The following BLVRB variants were observed in gnomAD, a reference collection of about 807,000 sequenced individuals.
The protein encoded by BLVRB is flavin reductase (NADPH).
Under a neutral mutation model 21.1 loss-of-function variants are expected in BLVRB, and 25 were observed. The observed-to-expected ratio is 1.19, with a 90% CI of 0.86 to 1.66. The LOEUF (loss-of-function observed/expected upper bound fraction) is 1.66, where lower values mean the gene tolerates loss of function less well. Ranked by LOEUF, BLVRB falls within the 40% of genes most tolerant of loss-of-function variation. BLVRB has a pLI of 0.00. For missense variants in BLVRB, 274 were observed against 282.7 expected (o/e 0.97, Z 0.22); for synonymous variants, 128 against 122.2 (o/e 1.05, Z -0.31).
chr19:40,461,172 C>T (rs1006255890), intron 1 of BLVRB, among the ~76,000 whole-genome samples: 1 of 152,020 alleles, frequency 6.6e-6, no homozygotes, highest in South Asian at 2.1e-4. Context: ...CATGAGCTAC[C>T]GAGCGTGGCC....
At chr19:40,451,912 C>A (rs1431114518) in intron 3 of BLVRB, among the ~76,000 whole-genome samples, 1 of 152,112 alleles carries the variant, frequency 6.6e-6, no homozygotes, top group Admixed American at 6.6e-5. Flanking sequence ...ACAGGGGAGT[C>A]CTCTGGGGCT....
intron 4 of BLVRB, among the ~76,000 whole-genome samples, chr19:40,449,880 G>C (rs2079731128): frequency 6.6e-6 from 1 of 152,166 alleles, no homozygotes; most frequent in Non-Finnish European, 1.5e-5. Flanking sequence ...AACCTTTAAT[G>C]CTTTCAAATC....
At chr19:40,458,066 A>T (rs76677764) in intron 3 of BLVRB, 89 bp downstream of exon 3, 3 of 1,260,136 alleles carry the variant, frequency 2.4e-6, no homozygotes, top group Non-Finnish European at 3.4e-6. Context: ...AGTAACATGG[A>T]ATGGCTTCAG....
At chr19:40,451,155 A>G (rs909717949) in intron 4 of BLVRB, among the ~76,000 whole-genome samples, 9 of 152,216 alleles carry the variant, frequency 5.9e-5, no homozygotes, top group African/African-American at 1.9e-4. Flanking sequence ...ACTCATTAGC[A>G]TAGAAAAAGA....
intron 3 of BLVRB, among the ~76,000 whole-genome samples, chr19:40,455,910 G>C (rs919054766): frequency 6.6e-6 from 1 of 151,868 alleles, no homozygotes; most frequent in Non-Finnish European, 1.5e-5. Context: ...CCGGGAGTTC[G>C]GGACCAGCCT....
In BLVRB at chr19:40,460,431, C is replaced by T. The variant is rs1224995519; in HGVS notation, c.80-1886G>A. On this transcript the variant is annotated intron_variant, in intron 1 of 4. Transcript: ENST00000263368. ...TTGTTTGAGGCCAGGAGTTTGAGACCAGACTGGGCAACATAGTGAAACCCC... is the reference window on the plus strand; with the variant it reads ...TTGTTTGAGGCCAGGAGTTTGAGACTAGACTGGGCAACATAGTGAAACCCC... Among the ~76,000 whole-genome samples the T allele has an allele frequency of 3.3e-5, 5 of 149,460 alleles. No individual in the cohort carries two copies. The Admixed American group carries it at 3.4e-4, about 10-fold the overall frequency.
At chr19:40,455,968 C>T (rs1295697252) in intron 3 of BLVRB, among the ~76,000 whole-genome samples, 2 of 151,814 alleles carry the variant, frequency 1.3e-5, no homozygotes, top group African/African-American at 2.4e-5. Flanking sequence ...AAAAATTAGC[C>T]AGCCTTATAA....
chr19:40,452,899 A>C (rs1008572982), intron 3 of BLVRB, among the ~76,000 whole-genome samples: 2 of 145,980 alleles, frequency 1.4e-5, no homozygotes, highest in Admixed American at 6.9e-5. Context: ...ACAAAACAAA[A>C]AAAACACAAA....
chr19:40,464,765 G>C (rs2079803255), intron 1 of BLVRB, among the ~76,000 whole-genome samples: 1 of 152,216 alleles, frequency 6.6e-6, no homozygotes, highest in African/African-American at 2.4e-5. Context: ...GGAGACAGCA[G>C]AGTGGGGTCC....
At chr19:40,454,351 A>G (rs2079753323) in intron 3 of BLVRB, among the ~76,000 whole-genome samples, 2 of 151,752 alleles carry the variant, frequency 1.3e-5, no homozygotes, top group South Asian at 4.2e-4. Context: ...CTGGTCTCGA[A>G]CTCCTGACCT....
chr19:40,461,305 C>A (rs536071811), intron 1 of BLVRB, among the ~76,000 whole-genome samples: 3 of 152,260 alleles, frequency 2.0e-5, no homozygotes, highest in Non-Finnish European at 4.4e-5. Flanking sequence ...CTCTCCAATC[C>A]ATATTCCACA....
At chr19:40,464,257 T>A (rs929743441) in intron 1 of BLVRB, among the ~76,000 whole-genome samples, 1 of 132,180 alleles carries the variant, frequency 7.6e-6, no homozygotes, top group Non-Finnish European at 1.5e-5. Context: ...AGCTAATTTA[T>A]TTTTTTTTTG....
At chr19:40,454,469 T>C (rs907836081) in intron 3 of BLVRB, among the ~76,000 whole-genome samples, 4 of 151,628 alleles carry the variant, frequency 2.6e-5, no homozygotes, top group Admixed American at 2.6e-4. Context: ...CGGTGCAGAG[T>C]GTGAAGTGGG....
intron 4 of BLVRB, 44 bp from the exon 5 acceptor site, chr19:40,448,090 T>C: frequency 6.3e-7 from 1 of 1,577,936 alleles, no homozygotes; most frequent in Non-Finnish European, 8.7e-7. Flanking sequence ...CAGACACCTT[T>C]CCCTTCCCCC....
intron 3 of BLVRB, among the ~76,000 whole-genome samples, chr19:40,453,148 C>T (rs937825827): frequency 1.1e-4 from 16 of 152,180 alleles, no homozygotes; most frequent in African/African-American, 3.1e-4. Context: ...CGGGCTTAAG[C>T]GATCCTTCCA....
In BLVRB at chr19:40,463,957, C is replaced by T. The variant is rs150480893; in HGVS notation, c.79+1653G>A. Reference sequence around the variant, plus strand: ...TAATTTTTCGTATTTTTAGTAGAGACGGGGTTTCACTATATTGGCCAGGCT... The same window carrying T: ...TAATTTTTCGTATTTTTAGTAGAGATGGGGTTTCACTATATTGGCCAGGCT... On this transcript the variant is annotated intron_variant, in intron 1 of 4. Coordinates refer to ENST00000263368, the MANE Select transcript of BLVRB (RefSeq NM_000713.3). Among the ~76,000 whole-genome samples the T allele has an allele frequency of 2.1e-3, 317 of 152,050 alleles. 1 individual carries two copies. Among genetic ancestry groups the T allele is most frequent in the Admixed American group, 5.8e-3 (89 of 15,234 alleles).
chr19:40,449,566 T>C (rs2079729904), intron 4 of BLVRB, among the ~76,000 whole-genome samples: 2 of 152,250 alleles, frequency 1.3e-5, no homozygotes, highest in South Asian at 4.1e-4. Context: ...GAAATTTTAC[T>C]ACGGAGTGGA....
At chr19:40,457,559 C>A (rs2079766891) in intron 3 of BLVRB, 1 of 151,216 alleles carries the variant, frequency 6.6e-6, no homozygotes, top group Admixed American at 6.6e-5. Flanking sequence ...GGAGAACCAC[C>A]TCCGGGAGGC....
chr19:40,448,608 A>AC lies in BLVRB; in HGVS notation c.464-563_464-562insG, dbSNP rs1249673226. Among the ~76,000 whole-genome samples, 340 of 126,368 alleles carry AC rather than the reference A, an allele frequency of 2.7e-3. 2 individuals carry two copies. The highest frequency in any genetic ancestry group is 9.0e-3 in the African/African-American group (318 of 35,274). 82.9% of individuals were successfully genotyped at this position (126,368 alleles called of 152,430 possible). ...CTTGTCTCTAACAACAACAACAACAAATATATATATATATATATATATATA... is the reference window on the plus strand; with the variant it reads ...CTTGTCTCTAACAACAACAACAACAACATATATATATATATATATATATATA... On this transcript the variant is annotated intron_variant, in intron 4 of 4. Transcript: ENST00000263368.
Sources: gnomAD v4.1 joint callset for allele counts (sites outside exome capture counted in the v4.1 genomes callset) on GRCh38, gnomAD v4.1.1 for gene constraint, MANE v1.5 for transcripts, NCBI Gene and HGNC (gene_info 2026-07-23, HGNC 2026-07-21) for gene names.